IQCM: variants seen among roughly 807,000 people sequenced by gnomAD.
IQCM encodes IQ motif containing M.
IQCM carries 45 observed loss-of-function variants against 57.6 expected under a neutral mutation model. The ratio of observed to expected loss-of-function variants is 0.78; its 90% CI spans 0.62 to 1.00. The LOEUF is 1.00. Ranked by LOEUF, IQCM falls within the 50% of genes least tolerant of loss-of-function variation. IQCM has a pLI of 0.00. For missense variants in IQCM, 468 were observed against 511.6 expected (o/e 0.91, Z 0.82); for synonymous variants, 148 against 158.9 (o/e 0.93, Z 0.51).
At chr4:149,414,200 G>A (rs1733586414) in intron 13 of IQCM, among the ~76,000 whole-genome samples, 1 of 152,120 alleles carries the variant, frequency 6.6e-6, no homozygotes, top group African/African-American at 2.4e-5. Context: ...AACAATTAAT[G>A]AGTAAATTCA....
At chr4:149,437,494 C>T (rs1294977832) in intron 12 of IQCM, among the ~76,000 whole-genome samples, 1 of 152,014 alleles carries the variant, frequency 6.6e-6, no homozygotes, top group East Asian at 1.9e-4. Context: ...TAGTTTTCCC[C>T]TCTTCTCAGG....
At chr4:149,494,712 C>CT (rs1560912136) in intron 12 of IQCM, among the ~76,000 whole-genome samples, 9 of 151,990 alleles carry the variant, frequency 5.9e-5, no homozygotes, top group African/African-American at 2.2e-4. Flanking sequence ...GGAGGTGGAG[C>CT]CCATGAGACA....
rs957422041 is a variant in IQCM at position 149,633,018 on chromosome 4, G to A, written c.566-11774C>T. 1.6e-3 allele frequency among the ~76,000 whole-genome samples: 233 copies of A among 148,848 alleles called. 2 individuals are homozygous for A. Among genetic ancestry groups the A allele is most frequent in the African/African-American group, 5.7e-3 (225 of 39,496 alleles). On this transcript the variant is annotated intron_variant, in intron 7 of 13. Coordinates refer to ENST00000636793, the MANE Select transcript of IQCM (RefSeq NM_001363507.2). ...CTACTAAAAATACAAAAAATTAGCC[G>A]GGCGCGGTGGCGGGCGCCTGTAGTC...
chr4:149,790,199 T>C (rs1772462667), intron 2 of IQCM: 2 of 377,046 alleles, frequency 5.3e-6, no homozygotes, highest in South Asian at 6.2e-5. Context: ...ACATGAAGAA[T>C]ATTGAACACA....
chr4:149,469,154 G>A (rs929520987), intron 12 of IQCM, among the ~76,000 whole-genome samples: 18 of 152,288 alleles, frequency 1.2e-4, no homozygotes, highest in East Asian at 5.8e-4. Flanking sequence ...GGCTTCAGAC[G>A]ATCGGTAATA....
intron 12 of IQCM, among the ~76,000 whole-genome samples, chr4:149,495,113 T>G (rs1483861069): frequency 6.6e-6 from 1 of 152,200 alleles, no homozygotes; most frequent in East Asian, 1.9e-4. Flanking sequence ...CAGTGCCATT[T>G]ATAGAAACAG....
At chr4:149,561,151 T>C (rs940125115) in intron 10 of IQCM, among the ~76,000 whole-genome samples, 1 of 152,156 alleles carries the variant, frequency 6.6e-6, no homozygotes, top group Non-Finnish European at 1.5e-5. Context: ...AAGTCAACAA[T>C]CTACTTTATA....
chr4:149,572,498 G>A (rs920598072), intron 9 of IQCM, among the ~76,000 whole-genome samples: 14 of 151,476 alleles, frequency 9.2e-5, no homozygotes, highest in African/African-American at 2.4e-4. Context: ...TCATAAAAGC[G>A]TCTTTCACTT....
At chr4:149,430,462 T>C (rs1734754588) in intron 13 of IQCM, among the ~76,000 whole-genome samples, 1 of 152,008 alleles carries the variant, frequency 6.6e-6, no homozygotes, top group Admixed American at 6.6e-5. Context: ...GATAAACATT[T>C]CCATCACTCT....
intron 2 of IQCM, among the ~76,000 whole-genome samples, chr4:149,802,087 G>A (rs1402613902): frequency 2.0e-5 from 3 of 151,950 alleles, no homozygotes; most frequent in East Asian, 3.9e-4. Flanking sequence ...GGCTTATACA[G>A]TTTGATAAGT....
At chr4:149,433,165 C>G (rs1327317035) in intron 13 of IQCM, among the ~76,000 whole-genome samples, 1 of 151,990 alleles carries the variant, frequency 6.6e-6, no homozygotes, top group Non-Finnish European at 1.5e-5. Flanking sequence ...CCCAAATTTC[C>G]ATTAACTAGT....
intron 13 of IQCM, among the ~76,000 whole-genome samples, chr4:149,413,936 C>G (rs1358334375): frequency 6.6e-6 from 1 of 152,094 alleles, no homozygotes; most frequent in East Asian, 1.9e-4. Context: ...CAACTCTCTT[C>G]TTCTGTTACA....
chr4:149,408,891 T>C (rs1733170927), intron 13 of IQCM, among the ~76,000 whole-genome samples: 1 of 152,146 alleles, frequency 6.6e-6, no homozygotes, highest in African/African-American at 2.4e-5. Context: ...CTAGACGTGT[T>C]TTTTTATGTC....
At chr4:149,664,078 G>A (rs1760470251) in intron 7 of IQCM, among the ~76,000 whole-genome samples, 1 of 151,944 alleles carries the variant, frequency 6.6e-6, no homozygotes, top group Non-Finnish European at 1.5e-5. Flanking sequence ...TTAGTCTGTT[G>A]TTGAAGCCCT....
chr4:149,438,664 T>C (rs1389568819), intron 12 of IQCM, among the ~76,000 whole-genome samples: 2 of 152,070 alleles, frequency 1.3e-5, no homozygotes, highest in Non-Finnish European at 2.9e-5. Flanking sequence ...TATGAAAAAT[T>C]ACGTACTTCT....
intron 9 of IQCM, among the ~76,000 whole-genome samples, chr4:149,581,703 T>C (rs1212143159): frequency 6.6e-6 from 1 of 151,776 alleles, no homozygotes; most frequent in Admixed American, 6.6e-5. Context: ...ACTGTGCTAC[T>C]AAAATTTCAT....
At chr4:149,804,399 C>T (rs1288984822) in intron 2 of IQCM, among the ~76,000 whole-genome samples, 1 of 151,996 alleles carries the variant, frequency 6.6e-6, no homozygotes, top group African/African-American at 2.4e-5. Flanking sequence ...TTAAGTGTCC[C>T]TTCCAGGTTC....
intron 8 of IQCM, among the ~76,000 whole-genome samples, chr4:149,590,247 C>CTTTTTTTTTTTTTTTTTTTTTTTTTT (rs71596214): frequency 4.3e-4 from 32 of 73,606 alleles, no homozygotes; most frequent in East Asian, 1.3e-3. Context: ...TTTTTCTTTC[C>CTTTTTTTTTTTTTTTTTTTTTTTTTT]TTTTTTTTTT....
chr4:149,544,505 C>G (rs1748183765), intron 12 of IQCM, among the ~76,000 whole-genome samples: 1 of 152,086 alleles, frequency 6.6e-6, no homozygotes, highest in African/African-American at 2.4e-5. Context: ...TGATTCAATG[C>G]AATCCCTATC....
Sources: allele counts gnomAD v4.1 joint callset (sites outside exome capture counted in the v4.1 genomes callset), GRCh38; gene constraint gnomAD v4.1.1; transcripts MANE v1.5; gene names NCBI Gene and HGNC (gene_info 2026-07-23, HGNC 2026-07-21).